NRG3: variants seen among roughly 807,000 people sequenced by gnomAD.
NRG3 encodes pro-neuregulin-3, membrane-bound isoform.
In NRG3, 31 loss-of-function variants were observed where a neutral mutation model predicts 66.9. That is an observed-to-expected ratio of 0.46 (90% CI 0.35 to 0.63). The LOEUF (loss-of-function observed/expected upper bound fraction) is 0.63. Among genes scored for constraint, NRG3 ranks in the 20% least tolerant of loss-of-function variants. NRG3 has a pLI of 0.00. For missense variants in NRG3, 910 were observed against 878.9 expected, an observed-to-expected ratio of 1.04 and a Z score of -0.45; for synonymous variants, 393 against 359.4, an observed-to-expected ratio of 1.09 and a Z score of -1.06.
At chr10:82,231,225 C>T (rs963189741) in intron 1 of NRG3, among the ~76,000 whole-genome samples, 1 of 152,042 alleles carries the variant, frequency 6.6e-6, no homozygotes, top group Non-Finnish European at 1.5e-5. Flanking sequence ...TGCCCGTAAT[C>T]CCATCTGTTC....
rs2062730115 is a variant in NRG3, at chr10:82,835,511, G to A, written c.1028-29900G>A. Reference sequence around the variant, plus strand: ...AGATGACCCAGAATCAGAAACCCTGGGTTAGTCTTGGCTCTCAGTGATTAA... The same window carrying A: ...AGATGACCCAGAATCAGAAACCCTGAGTTAGTCTTGGCTCTCAGTGATTAA... On this transcript the variant is annotated intron_variant, in intron 3 of 8. Transcript: ENST00000372141. Among the ~76,000 whole-genome samples, 3 of 152,216 alleles carry A rather than the reference G, an allele frequency of 2.0e-5. No homozygotes were observed. In the South Asian group the frequency reaches 6.2e-4, roughly 32 times the overall value.
intron 1 of NRG3, among the ~76,000 whole-genome samples, chr10:82,196,135 C>T (rs1442290609): frequency 6.6e-6 from 1 of 152,162 alleles, no homozygotes; most frequent in Non-Finnish European, 1.5e-5. Context: ...AAAACCCGTG[C>T]ACAGTCACAG....
At chr10:82,076,059 C>G (rs2065073370) in intron 1 of NRG3, among the ~76,000 whole-genome samples, 1 of 152,038 alleles carries the variant, frequency 6.6e-6, no homozygotes, top group Non-Finnish European at 1.5e-5. Flanking sequence ...CACATTGCAT[C>G]CTGTTAAAGC....
chr10:82,959,203 T>A (rs1850369821), intron 6 of NRG3, 128 bp downstream of exon 6: 1 of 1,081,178 alleles, frequency 9.2e-7, no homozygotes, highest in Admixed American at 3.3e-5. Context: ...TTAAATCGTT[T>A]TAACAGTTCT....
intron 2 of NRG3, among the ~76,000 whole-genome samples, chr10:82,459,058 G>C (rs1256287687): frequency 6.6e-6 from 1 of 152,170 alleles, no homozygotes; most frequent in African/African-American, 2.4e-5. Flanking sequence ...CACCATGGCA[G>C]GGCTGCTACC....
chr10:82,518,503 C>T (rs1845900392), intron 2 of NRG3, among the ~76,000 whole-genome samples: 1 of 152,064 alleles, frequency 6.6e-6, no homozygotes, highest in Non-Finnish European at 1.5e-5. Context: ...TCTGCTCCCC[C>T]CTACACACAT....
intron 1 of NRG3, among the ~76,000 whole-genome samples, chr10:82,056,101 C>G (rs2063835007): frequency 6.6e-6 from 1 of 151,996 alleles, no homozygotes; most frequent in Non-Finnish European, 1.5e-5. Context: ...AAATTTTGTC[C>G]CATCATAGTA....
chr10:82,238,803 G>T (rs1484751724), intron 1 of NRG3, among the ~76,000 whole-genome samples: 1 of 149,684 alleles, frequency 6.7e-6, no homozygotes, highest in East Asian at 1.9e-4. Context: ...GCATGATTCT[G>T]TCCATTAATG....
At chr10:82,659,739 GT>G (rs2052178667) in intron 2 of NRG3, among the ~76,000 whole-genome samples, 1 of 152,094 alleles carries the variant, frequency 6.6e-6, no homozygotes. Context: ...TCAGAGGTAA[GT>G]TTGCCATATC....
intron 2 of NRG3, among the ~76,000 whole-genome samples, chr10:82,417,900 C>T (rs1020756337): frequency 1.4e-4 from 21 of 152,174 alleles, no homozygotes; most frequent in African/African-American, 4.6e-4. Context: ...GGAGCTGGCA[C>T]ACTGGTTAGG....
chr10:81,881,278 G>A (rs1222743495), intron 1 of NRG3, among the ~76,000 whole-genome samples: 9 of 150,692 alleles, frequency 6.0e-5, no homozygotes, highest in Non-Finnish European at 1.5e-5. Context: ...TATGCTTAAC[G>A]TCTTGCTTCA....
At chr10:82,599,734 T>C (rs1274422639) in intron 2 of NRG3, among the ~76,000 whole-genome samples, 1 of 152,142 alleles carries the variant, frequency 6.6e-6, no homozygotes, top group Non-Finnish European at 1.5e-5. Context: ...TGAGAATCAC[T>C]TGAACCCAGG....
intron 4 of NRG3, among the ~76,000 whole-genome samples, chr10:82,897,601 C>A (rs1270173120): frequency 6.6e-6 from 1 of 152,194 alleles, no homozygotes; most frequent in Non-Finnish European, 1.5e-5. Flanking sequence ...TCACTGCAAC[C>A]TCTGCCTCCC....
chr10:82,626,755 C>G (rs1407096653), intron 2 of NRG3, among the ~76,000 whole-genome samples: 1 of 152,088 alleles, frequency 6.6e-6, no homozygotes, highest in African/African-American at 2.4e-5. Flanking sequence ...TTGATGTCCT[C>G]TAATTCCTGA....
intron 1 of NRG3, among the ~76,000 whole-genome samples, chr10:81,927,881 A>G (rs1846962685): frequency 6.6e-6 from 1 of 152,192 alleles, no homozygotes; most frequent in Non-Finnish European, 1.5e-5. Flanking sequence ...GATCAGCATT[A>G]AAGTTAAAAC....
At chr10:82,696,545 G>A (rs2055398137) in intron 2 of NRG3, among the ~76,000 whole-genome samples, 1 of 152,120 alleles carries the variant, frequency 6.6e-6, no homozygotes, top group Admixed American at 6.6e-5. Flanking sequence ...TCTAGAGCTA[G>A]CCATACTTAG....
intron 1 of NRG3, among the ~76,000 whole-genome samples, chr10:81,884,817 T>C (rs1469418171): frequency 6.6e-6 from 1 of 152,174 alleles, no homozygotes; most frequent in Non-Finnish European, 1.5e-5. Flanking sequence ...TGTGTACATA[T>C]CGATGAGTTT....
Position 81,904,646 on chromosome 10 carries a change from G to A in NRG3, c.823+28483G>A, listed in dbSNP as rs556570800. ...CTTTTACCAGGTGAGGACTTCAGTC[G>A]TATTTTCACTGGGCCTTTTCATTTC... On this transcript the variant is annotated intron_variant, in intron 1 of 8. Coordinates refer to ENST00000372141, the MANE Select transcript of NRG3 (RefSeq NM_001010848.4). 5.3e-5 allele frequency among the ~76,000 whole-genome samples: 8 copies of A among 152,212 alleles called. No individual in the cohort carries two copies. The South Asian group carries it at 6.2e-4, about 12-fold the overall frequency.
intron 1 of NRG3, among the ~76,000 whole-genome samples, chr10:82,118,582 A>G (rs1189154603): frequency 1.3e-5 from 2 of 152,112 alleles, no homozygotes; most frequent in Non-Finnish European, 2.9e-5. Flanking sequence ...CTAGACCTGA[A>G]CAATTTATCT....
Sources: allele counts gnomAD v4.1 joint callset (sites outside exome capture counted in the v4.1 genomes callset), GRCh38; gene constraint gnomAD v4.1.1; transcripts MANE v1.5; gene names NCBI Gene and HGNC (gene_info 2026-07-23, HGNC 2026-07-21).